The following LSM12 variants were observed in gnomAD, a reference collection of about 807,000 sequenced individuals.
LSM12 encodes LSM12 homolog.
For missense variants in LSM12, 108 were observed against 238.9 expected, an observed-to-expected ratio of 0.45 and a Z score of 3.61; for synonymous variants, 74 against 87.3, an observed-to-expected ratio of 0.85 and a Z score of 0.85.
At chr17:44,053,528 G>C (rs1271948505) in intron 2 of LSM12, among the ~76,000 whole-genome samples, 1 of 152,162 alleles carries the variant, frequency 6.6e-6, no homozygotes, top group East Asian at 1.9e-4. Context: ...GGCAAGAGGG[G>C]TGTTTTAATC....
chr17:44,050,953 C>T (rs1567959093), intron 2 of LSM12, among the ~76,000 whole-genome samples: 1 of 151,924 alleles, frequency 6.6e-6, no homozygotes, highest in Non-Finnish European at 1.5e-5. Context: ...GGCAACATGG[C>T]AAAACCCTAC....
intron 2 of LSM12, among the ~76,000 whole-genome samples, chr17:44,041,261 ACT>A (rs1214091848): frequency 4.0e-5 from 4 of 100,142 alleles, no homozygotes; most frequent in African/African-American, 1.4e-4. Context: ...AAGAAGTGAG[ACT>A]CTGTCTCTTT....
intron 2 of LSM12, among the ~76,000 whole-genome samples, chr17:44,052,142 G>A (rs532177338): frequency 1.3e-5 from 2 of 151,852 alleles, no homozygotes; most frequent in South Asian, 2.1e-4. Context: ...GCCAGGCACG[G>A]TGGTGCACGC....
intron 2 of LSM12, among the ~76,000 whole-genome samples, chr17:44,046,187 G>A (rs1314520733): frequency 2.6e-5 from 4 of 151,076 alleles, no homozygotes; most frequent in South Asian, 2.1e-4. Context: ...CGCCCGCCTC[G>A]GCCTCCCAAA....
intron 2 of LSM12, among the ~76,000 whole-genome samples, chr17:44,042,321 T>C (rs2049505738): frequency 6.6e-6 from 1 of 151,836 alleles, no homozygotes; most frequent in Non-Finnish European, 1.5e-5. Flanking sequence ...CTACAGCATA[T>C]TCCAAAAGTA....
At chr17:44,055,833 A>AT (rs1249239525) in intron 2 of LSM12, among the ~76,000 whole-genome samples, 1 of 150,886 alleles carries the variant, frequency 6.6e-6, no homozygotes, top group Non-Finnish European at 1.5e-5. Flanking sequence ...AATAATTATC[A>AT]TATCAACTCC....
chr17:44,041,327 ACACACAAAC>A (rs1567955886), intron 2 of LSM12, among the ~76,000 whole-genome samples: 83 of 142,812 alleles, frequency 5.8e-4, no homozygotes, highest in African/African-American at 2.1e-3. Context: ...ACACACACAC[ACACACAAAC>A]ACACACACAC....
At chr17:44,036,670 C>A (rs2049418882) in intron 4 of LSM12, among the ~76,000 whole-genome samples, 1 of 151,106 alleles carries the variant, frequency 6.6e-6, no homozygotes, top group South Asian at 2.1e-4. Context: ...CAATGTTGGT[C>A]TCTCAATGTT....
intron 2 of LSM12, among the ~76,000 whole-genome samples, chr17:44,040,630 G>A (rs1196752079): frequency 6.6e-6 from 1 of 152,038 alleles, no homozygotes; most frequent in African/African-American, 2.4e-5. Flanking sequence ...ACATTATAGA[G>A]TGTGGCTGGG....
At chr17:44,050,674 C>T (rs1455792596) in intron 2 of LSM12, among the ~76,000 whole-genome samples, 1 of 152,092 alleles carries the variant, frequency 6.6e-6, no homozygotes, top group Non-Finnish European at 1.5e-5. Flanking sequence ...GCACGTGCCA[C>T]CACACCCAGC....
chr17:44,053,415 T>C (rs993668730), intron 2 of LSM12, among the ~76,000 whole-genome samples: 1 of 152,200 alleles, frequency 6.6e-6, no homozygotes, highest in African/African-American at 2.4e-5. Context: ...GTCACGTACC[T>C]TGGACATATG....
chr17:44,057,395 G>A (rs1055396193), intron 2 of LSM12, among the ~76,000 whole-genome samples: 21 of 148,722 alleles, frequency 1.4e-4, no homozygotes, highest in Non-Finnish European at 2.8e-4. Flanking sequence ...TGATCCGCCC[G>A]CCTCGGCCTC....
chr17:44,058,145 G>C (rs558468800), intron 2 of LSM12, among the ~76,000 whole-genome samples: 1 of 151,962 alleles, frequency 6.6e-6, no homozygotes, highest in East Asian at 1.9e-4. Context: ...GCTGAGGCAG[G>C]AGAATGGCGT....
chr17:44,055,372 T>C (rs2049697011), intron 2 of LSM12, among the ~76,000 whole-genome samples: 1 of 151,610 alleles, frequency 6.6e-6, no homozygotes, highest in East Asian at 1.9e-4. Context: ...GGTCAAGATA[T>C]GACAAAGGGC....
At chr17:44,043,184 C>T (rs907283417) in intron 2 of LSM12, among the ~76,000 whole-genome samples, 1 of 152,244 alleles carries the variant, frequency 6.6e-6, no homozygotes, top group Non-Finnish European at 1.5e-5. Context: ...GGCGTGAGCA[C>T]AGAAGGCCAG....
At chr17:44,055,602 A>C (rs563672212) in intron 2 of LSM12, among the ~76,000 whole-genome samples, 1 of 149,782 alleles carries the variant, frequency 6.7e-6, no homozygotes, top group Admixed American at 6.7e-5. Context: ...ACTTTAGCAC[A>C]GGAGGTAGAG....
intron 1 of LSM12, among the ~76,000 whole-genome samples, chr17:44,066,173 C>T (rs1263042356): frequency 1.3e-5 from 2 of 151,262 alleles, no homozygotes; most frequent in Non-Finnish European, 1.5e-5. Flanking sequence ...TGTGTCCCCT[C>T]TCATAACGTT....
At chr17:44,057,404 T>C (rs1373233839) in intron 2 of LSM12, among the ~76,000 whole-genome samples, 1 of 149,366 alleles carries the variant, frequency 6.7e-6, no homozygotes, top group African/African-American at 2.5e-5. Flanking sequence ...CGCCTCGGCC[T>C]CTCAAAGTGC....
intron 2 of LSM12, among the ~76,000 whole-genome samples, chr17:44,060,848 C>A (rs981886582): frequency 2.0e-5 from 3 of 152,186 alleles, no homozygotes; most frequent in Non-Finnish European, 4.4e-5. Flanking sequence ...ACAGTCCCAT[C>A]CACACTACCC....
Sources: gnomAD v4.1 joint callset for allele counts (sites outside exome capture counted in the v4.1 genomes callset) on GRCh38, gnomAD v4.1.1 for gene constraint, MANE v1.5 for transcripts, NCBI Gene and HGNC (gene_info 2026-07-23, HGNC 2026-07-21) for gene names.